CNKSR2: variants seen among roughly 807,000 people sequenced by gnomAD.
CNKSR2 encodes the protein connector enhancer of kinase suppressor of Ras 2.
Under a neutral mutation model 84.4 loss-of-function variants are expected in CNKSR2, and 14 were observed. The observed-to-expected ratio is 0.17, with a 90% CI of 0.11 to 0.26. CNKSR2 has a LOEUF of 0.26. Ranked by LOEUF, CNKSR2 falls within the 10% of genes least tolerant of loss-of-function variation. CNKSR2 has a pLI of 1.00. For missense variants in CNKSR2, 485 were observed against 771.2 expected, an observed-to-expected ratio of 0.63 and a Z score of 4.40; for synonymous variants, 275 against 277.9, an observed-to-expected ratio of 0.99 and a Z score of 0.10.
rs1306236962 is a variant in CNKSR2, at chrX:21,600,068, AG to A, written c.1977-1212del. 4.5e-5 allele frequency among the ~76,000 whole-genome samples: 5 copies of A among 111,783 alleles called. No individual in the cohort carries two copies. The East Asian group carries it at 1.4e-3, about 31-fold the overall frequency. On this transcript the variant is annotated intron_variant, in intron 17 of 21. Coordinates refer to ENST00000379510, the MANE Select transcript of CNKSR2 (RefSeq NM_014927.5). The stretch of plus-strand genomic sequence containing the variant: ...GTACCTGAGGTGATAATTACATTGT[AG>A]GTTTTGCTAAAATAAAGTTAGGTTT...
chrX:21,491,676 C>CA (rs1192243467), intron 6 of CNKSR2: 2 of 111,839 alleles, frequency 1.8e-5, no homozygotes, highest in Non-Finnish European at 3.8e-5. Context: ...ATCAGCATAT[C>CA]AGACATAGCA....
chrX:21,569,538 C>G (rs1349565085), intron 13 of CNKSR2, among the ~76,000 whole-genome samples: 7 of 111,575 alleles, frequency 6.3e-5, no homozygotes, highest in Non-Finnish European at 1.1e-4. Context: ...TCAAAGTCAT[C>G]CAGGAGGGTT....
rs397962828 is a variant in CNKSR2, at chrX:21,654,294, A to AC, written c.*1774dup. 4.7e-5 allele frequency: 5 copies of AC among 106,808 alleles called. No homozygotes were observed. Among genetic ancestry groups the AC allele is most frequent in the Non-Finnish European group, 7.7e-5 (4 of 51,735 alleles). 8.8% of individuals were successfully genotyped at this position (106,808 alleles called of 1,213,427 possible). On this transcript the variant is annotated 3_prime_UTR_variant, in exon 22 of 22. Coordinates refer to ENST00000379510, the MANE Select transcript of CNKSR2 (RefSeq NM_014927.5). ...ATGTAAAAAAAAAAAAAAAAAAAAA[A>AC]CAAAAAACCTCTTGTCCTAAAATGA...
rs33962399 is a variant in CNKSR2 at position 21,648,794 on chromosome X, C to CTTTTTT, written c.2693-17_2693-12dup. 854 of 315,376 alleles carry CTTTTTT rather than the reference C, an allele frequency of 2.7e-3. 26 individuals carry two copies. Among genetic ancestry groups the CTTTTTT allele is most frequent in the African/African-American group, 9.3e-3 (150 of 16,114 alleles). The allele number at this position is 315,376 out of a possible 1,213,427, so 26.0% of individuals were successfully genotyped here. On this transcript the variant is annotated intron_variant, in intron 20 of 21. Transcript: ENST00000379510. ...TTTCTCTCTCTCTCTCTCTCTCTTTCTTTTTTTTTTTTTTTTTTTTTTTTT... is the reference window on the plus strand; with the variant it reads ...TTTCTCTCTCTCTCTCTCTCTCTTTCTTTTTTTTTTTTTTTTTTTTTTTTTTTTTTT...
At chrX:21,584,040 C>A (rs1569256670) in intron 13 of CNKSR2, among the ~76,000 whole-genome samples, 1 of 112,233 alleles carries the variant, frequency 8.9e-6, no homozygotes, top group South Asian at 3.7e-4. Flanking sequence ...TCAACACATT[C>A]ATTCATAACT....
chrX:21,536,808 C>T (rs1210489745), intron 11 of CNKSR2, among the ~76,000 whole-genome samples: 2 of 100,852 alleles, frequency 2.0e-5, no homozygotes, highest in East Asian at 6.1e-4. Context: ...ATCAACTTTT[C>T]GTTTTGTTGG....
At chrX:21,640,124 C>T (rs1254887724) in intron 20 of CNKSR2, among the ~76,000 whole-genome samples, 1 of 111,544 alleles carries the variant, frequency 9.0e-6, no homozygotes, top group Non-Finnish European at 1.9e-5. Flanking sequence ...GACTCGATTA[C>T]CAGGGCTCTA....
chrX:21,545,030 G>A (rs1034778741), intron 11 of CNKSR2, among the ~76,000 whole-genome samples: 2 of 110,964 alleles, frequency 1.8e-5, no homozygotes, highest in East Asian at 2.9e-4. Context: ...GAATGCCAGC[G>A]AGACAGAACC....
intron 4 of CNKSR2, among the ~76,000 whole-genome samples, chrX:21,469,648 C>T (rs969613494): frequency 7.2e-5 from 8 of 110,536 alleles, no homozygotes; most frequent in Admixed American, 6.8e-4. Flanking sequence ...CAGTGGCTCA[C>T]GCCTGTAATC....
intron 1 of CNKSR2, among the ~76,000 whole-genome samples, chrX:21,382,969 G>A (rs778027859): frequency 1.8e-5 from 2 of 112,032 alleles, no homozygotes; most frequent in African/African-American, 3.2e-5. Flanking sequence ...ATTACATGCT[G>A]CTAGATAATC....
intron 4 of CNKSR2, chrX:21,441,306 A>G (rs1291521247): frequency 9.0e-6 from 1 of 111,036 alleles, no homozygotes; most frequent in Non-Finnish European, 1.9e-5. Flanking sequence ...TTATGTGATG[A>G]TATCTCTTTT....
At chrX:21,488,701 G>C (rs746264430) in intron 5 of CNKSR2, among the ~76,000 whole-genome samples, 1 of 111,824 alleles carries the variant, frequency 8.9e-6, no homozygotes, top group African/African-American at 3.2e-5. Context: ...TAAAAAGAGA[G>C]TTCTTATTAT....
chrX:21,567,119 A>G (rs1257593057), intron 13 of CNKSR2, among the ~76,000 whole-genome samples: 1 of 111,476 alleles, frequency 9.0e-6, no homozygotes, highest in Non-Finnish European at 1.9e-5. Context: ...ACCTGAAATC[A>G]CAAGGACATC....
intron 1 of CNKSR2, among the ~76,000 whole-genome samples, chrX:21,417,826 G>GTGTTT (rs943061403): frequency 6.3e-5 from 7 of 111,236 alleles, no homozygotes; most frequent in South Asian, 3.7e-4. Flanking sequence ...ACAAATCACT[G>GTGTTT]TGTTTTGTTT....
At position 21,432,604 on chromosome X, in the gene CNKSR2, T is replaced by A. The variant is rs762880968; in HGVS notation, c.229-8T>A. 18 of 1,091,908 alleles carry A rather than the reference T, an allele frequency of 1.6e-5. No individual in the cohort carries two copies. In the South Asian group the frequency reaches 3.5e-4, roughly 21 times the overall value. The allele number at this position is 1,091,908 out of a possible 1,213,427, so 90.0% of individuals were successfully genotyped here. ...TTAAATATATTCTCTCTCTTTTTTA[T>A]AATTCAGAATTATGGCTTGGAAACA... is the stretch of plus-strand genomic sequence containing the variant. On this transcript the variant is annotated splice_region_variant and splice_polypyrimidine_tract_variant and intron_variant, in intron 2 of 21. Transcript: ENST00000379510.
chrX:21,380,175 T>G (rs908938393), intron 1 of CNKSR2, among the ~76,000 whole-genome samples: 1 of 111,716 alleles, frequency 9.0e-6, no homozygotes. Context: ...TTATAAAACT[T>G]TAGCTGCCAA....
chrX:21,573,129 A>G (rs748192923), intron 13 of CNKSR2, among the ~76,000 whole-genome samples: 1 of 112,393 alleles, frequency 8.9e-6, no homozygotes, highest in East Asian at 2.8e-4. Flanking sequence ...GTCAAATCTT[A>G]AAGCTCCAGA....
At chrX:21,472,484 A>G (rs999972765) in intron 5 of CNKSR2, among the ~76,000 whole-genome samples, 1 of 111,940 alleles carries the variant, frequency 8.9e-6, no homozygotes, top group Non-Finnish European at 1.9e-5. Flanking sequence ...TTTGTGGCCC[A>G]TAATTGACAA....
At chrX:21,599,381 TGTGA>T (rs58580408) in intron 17 of CNKSR2, among the ~76,000 whole-genome samples, 139 of 97,968 alleles carry the variant, frequency 1.4e-3, no homozygotes, top group Middle Eastern at 5.6e-3. Context: ...TGTGTGTGTG[TGTGA>T]GATGGAGTCT....
Sources: allele counts gnomAD v4.1 joint callset (sites outside exome capture counted in the v4.1 genomes callset), GRCh38; gene constraint gnomAD v4.1.1; transcripts MANE v1.5; gene names NCBI Gene and HGNC (gene_info 2026-07-23, HGNC 2026-07-21).